Variants in CDK17 observed in about 807,000 individuals in gnomAD.
The protein encoded by CDK17 is cyclin dependent kinase 17.
Under a neutral mutation model 77.6 loss-of-function variants are expected in CDK17, and 24 were observed. The ratio of observed to expected loss-of-function variants is 0.31; its 90% CI spans 0.22 to 0.44. CDK17 has a LOEUF of 0.44. CDK17 is among the 20% of genes least tolerant of loss of function. CDK17 has a pLI of 1.00. For synonymous variants in CDK17, 203 were observed against 210.4 expected, an observed-to-expected ratio of 0.96 and a Z score of 0.30; for missense variants, 429 against 622.5, an observed-to-expected ratio of 0.69 and a Z score of 3.31.
At chr12:96,384,249 A>G (rs1953933740) in intron 1 of CDK17, among the ~76,000 whole-genome samples, 1 of 152,240 alleles carries the variant, frequency 6.6e-6, no homozygotes. Context: ...AAGTCAAAAA[A>G]TAACAGATGT....
intron 1 of CDK17, among the ~76,000 whole-genome samples, chr12:96,360,559 C>T (rs1208185088): frequency 1.3e-5 from 2 of 152,194 alleles, no homozygotes; most frequent in Non-Finnish European, 2.9e-5. Flanking sequence ...TCCCTCCCTT[C>T]ATCAGGTAAT....
rs968059225 is a variant in CDK17 at position 96,361,941 on chromosome 12, T to A, written c.-29-27076A>T. On this transcript the variant is annotated intron_variant, in intron 1 of 16. Coordinates refer to ENST00000261211, the MANE Select transcript of CDK17 (RefSeq NM_002595.5). ...TACTTTCAAATATAAATAGCTTTTT[T>A]CTTTAGACCAAATCTTCTTCTAGTA... Among the ~76,000 whole-genome samples the A allele has an allele frequency of 2.0e-5, 3 of 152,246 alleles. No individual in the cohort carries two copies. The South Asian group carries it at 6.2e-4, about 31-fold the overall frequency.
intron 3 of CDK17, among the ~76,000 whole-genome samples, chr12:96,323,285 C>CAA (rs58551659): frequency 1.5e-4 from 14 of 95,262 alleles, no homozygotes; most frequent in African/African-American, 5.0e-4. Flanking sequence ...AAAAAAAAAA[C>CAA]AAAAACAAAC....
chr12:96,334,512 C>A (rs189673176), intron 2 of CDK17, among the ~76,000 whole-genome samples: 224 of 152,184 alleles, frequency 1.5e-3, no homozygotes, highest in Non-Finnish European at 2.3e-3. Flanking sequence ...GGTTTGAGAC[C>A]AGGTATCGTA....
intron 3 of CDK17, among the ~76,000 whole-genome samples, chr12:96,315,252 C>T (rs1952695350): frequency 6.6e-6 from 1 of 152,150 alleles, no homozygotes; most frequent in Non-Finnish European, 1.5e-5. Context: ...GAAATTTGAA[C>T]TCAAGGGTCT....
At chr12:96,305,634 AAACAAAAAAG>A (rs1952567164) in intron 5 of CDK17, among the ~76,000 whole-genome samples, 1 of 152,200 alleles carries the variant, frequency 6.6e-6, no homozygotes, top group Non-Finnish European at 1.5e-5. Flanking sequence ...TCAAGATTAA[AAACAAAAAAG>A]AACAGAATGG....
In CDK17 at chr12:96,400,077, G is replaced by A. The variant is rs1954235906; in HGVS notation, c.-121C>T. On this transcript the variant is annotated 5_prime_UTR_variant, in exon 1 of 17. Transcript: ENST00000261211. The stretch of plus-strand genomic sequence containing the variant: ...GGACGCCCGCGGCGACCGGATGCAA[G>A]TCCGGGTCTCAGCGGCCGGCAGACG... The A allele has an allele frequency of 5.1e-6, 2 of 390,310 alleles. No homozygotes were observed. The highest frequency in any genetic ancestry group is 2.1e-5 in the African/African-American group (1 of 48,220). 24.2% of individuals were successfully genotyped at this position (390,310 alleles called of 1,614,324 possible).
intron 1 of CDK17, among the ~76,000 whole-genome samples, chr12:96,362,474 C>T (rs1002320967): frequency 1.3e-5 from 2 of 152,258 alleles, no homozygotes; most frequent in East Asian, 3.9e-4. Flanking sequence ...CCGCCTCAGC[C>T]TCCCAAAAAG....
intron 1 of CDK17, among the ~76,000 whole-genome samples, chr12:96,395,914 G>A (rs947166105): frequency 2.0e-5 from 3 of 152,112 alleles, no homozygotes; most frequent in East Asian, 1.9e-4. Flanking sequence ...TTCCAGCCCC[G>A]GACCTGTGAG....
At chr12:96,364,216 T>A (rs1953546181) in intron 1 of CDK17, among the ~76,000 whole-genome samples, 1 of 152,254 alleles carries the variant, frequency 6.6e-6, no homozygotes, top group South Asian at 2.1e-4. Context: ...AAATTTGCTA[T>A]GAACATTCTT....
intron 1 of CDK17, among the ~76,000 whole-genome samples, chr12:96,349,702 T>TA (rs1336810306): frequency 6.6e-6 from 1 of 152,066 alleles, no homozygotes; most frequent in Non-Finnish European, 1.5e-5. Context: ...TCTCTTAAGA[T>TA]AAAAAACAAG....
intron 5 of CDK17, among the ~76,000 whole-genome samples, chr12:96,301,865 G>T (rs1366113169): frequency 6.6e-6 from 1 of 152,094 alleles, no homozygotes; most frequent in Non-Finnish European, 1.5e-5. Flanking sequence ...ATGGCCAAAA[G>T]TAGCAGAGGC....
intron 1 of CDK17, among the ~76,000 whole-genome samples, chr12:96,369,508 T>A (rs1011679585): frequency 3.9e-5 from 6 of 152,208 alleles, no homozygotes; most frequent in Admixed American, 3.9e-4. Context: ...CTGGGCACAG[T>A]GGCTCATGCC....
intron 5 of CDK17, among the ~76,000 whole-genome samples, chr12:96,304,187 G>C (rs547351875): frequency 1.2e-4 from 19 of 152,274 alleles, no homozygotes; most frequent in Admixed American, 1.1e-3. Flanking sequence ...AAAGGGGGAA[G>C]CTTCTGTATG....
chr12:96,374,947 A>G (rs1812347000), intron 1 of CDK17, among the ~76,000 whole-genome samples: 1 of 152,214 alleles, frequency 6.6e-6, no homozygotes, highest in Admixed American at 6.5e-5. Context: ...TCATCTCAGC[A>G]CTGCTGAACA....
At chr12:96,326,809 C>T (rs1040830185) in intron 2 of CDK17, among the ~76,000 whole-genome samples, 4 of 152,134 alleles carry the variant, frequency 2.6e-5, no homozygotes, top group Admixed American at 6.5e-5. Context: ...CCTAACCGTG[C>T]GGGCAACAGT....
At chr12:96,290,672 C>G (rs1952311458) in intron 10 of CDK17, among the ~76,000 whole-genome samples, 1 of 152,156 alleles carries the variant, frequency 6.6e-6, no homozygotes, top group Non-Finnish European at 1.5e-5. Flanking sequence ...ATGGAGGTAG[C>G]TTTCTGACCT....
chr12:96,344,947 C>CATT (rs1953179940), intron 1 of CDK17, among the ~76,000 whole-genome samples: 2 of 152,112 alleles, frequency 1.3e-5, no homozygotes, highest in Admixed American at 6.6e-5. Flanking sequence ...GGCCAACATG[C>CATT]ATTAGCTCTT....
chr12:96,301,909 A>T (rs1007892317), intron 5 of CDK17, among the ~76,000 whole-genome samples: 6 of 152,188 alleles, frequency 3.9e-5, no homozygotes, highest in Non-Finnish European at 7.4e-5. Flanking sequence ...TTTTTGTTAC[A>T]ATGATATGTA....
Sources: gnomAD v4.1 joint callset for allele counts (sites outside exome capture counted in the v4.1 genomes callset) on GRCh38, gnomAD v4.1.1 for gene constraint, MANE v1.5 for transcripts, NCBI Gene and HGNC (gene_info 2026-07-23, HGNC 2026-07-21) for gene names.